The following ACSS1 variants were observed in gnomAD, a reference collection of about 807,000 sequenced individuals.
ACSS1 encodes the protein acetyl-coenzyme A synthetase 2-like, mitochondrial.
ACSS1 carries 42 observed loss-of-function variants against 75.3 expected under a neutral mutation model. The observed-to-expected ratio is 0.56, with a 90% CI of 0.44 to 0.72. The LOEUF is 0.72. Among genes scored for constraint, ACSS1 ranks in the 30% least tolerant of loss-of-function variants. ACSS1 has a pLI of 0.00. For synonymous variants in ACSS1, 380 were observed against 376.8 expected, an observed-to-expected ratio of 1.01 and a Z score of -0.10; for missense variants, 782 against 935.7, an observed-to-expected ratio of 0.84 and a Z score of 2.14.
At chr20:25,057,680 C>G in intron 1 of ACSS1, 89 bp downstream of exon 1, 3 of 1,354,934 alleles carry the variant, frequency 2.2e-6, no homozygotes, top group Non-Finnish European at 3.0e-6. Context: ...ATCCGCGCTG[C>G]CCGGGGACGG....
At chr20:25,009,956 A>T (rs2088376272) in intron 12 of ACSS1, 1 of 153,546 alleles carries the variant, frequency 6.5e-6, no homozygotes, top group African/African-American at 2.4e-5. Context: ...GAGGCAGCTG[A>T]GAGTTCTGCT....
At chr20:25,014,115 C>T (rs1307665802) in intron 8 of ACSS1, 42 bp from the exon 9 acceptor site, 5 of 1,497,980 alleles carry the variant, frequency 3.3e-6, no homozygotes, top group Admixed American at 1.9e-5. Flanking sequence ...CGGCCCCGGA[C>T]CCAGGGATAC....
chr20:25,031,091 T>C (rs758998145), intron 2 of ACSS1, 133 bp from the exon 3 acceptor site: 20 of 873,076 alleles, frequency 2.3e-5, no homozygotes, highest in Non-Finnish European at 3.5e-5. Context: ...GGCACTTGAA[T>C]ACTTAATGCA....
intron 1 of ACSS1, among the ~76,000 whole-genome samples, chr20:25,050,482 G>A (rs2089160274): frequency 6.6e-6 from 1 of 151,890 alleles, no homozygotes; most frequent in Admixed American, 6.6e-5. Flanking sequence ...CAGGAGATGT[G>A]AACCCACTCT....
chr20:25,032,030 C>T (rs868508932), intron 2 of ACSS1, among the ~76,000 whole-genome samples: 4 of 152,176 alleles, frequency 2.6e-5, no homozygotes, highest in South Asian at 2.1e-4. Flanking sequence ...CCTGCAGCCC[C>T]GAGACAGCAC....
intron 2 of ACSS1, chr20:25,046,901 G>T: frequency 1.3e-6 from 1 of 779,664 alleles, no homozygotes. Flanking sequence ...TGCTGTATAG[G>T]CTGTGAGTCT....
At chr20:25,030,004 G>T (rs969950003) in intron 3 of ACSS1, among the ~76,000 whole-genome samples, 3 of 152,218 alleles carry the variant, frequency 2.0e-5, no homozygotes, top group African/African-American at 7.2e-5. Flanking sequence ...ACCCTTGAAC[G>T]TGGGGGAAGA....
chr20:25,034,059 C>A (rs1479592958), intron 2 of ACSS1, among the ~76,000 whole-genome samples: 1 of 152,130 alleles, frequency 6.6e-6, no homozygotes, highest in Admixed American at 6.5e-5. Flanking sequence ...TCCGGTAAAT[C>A]TCAGAGCTCT....
intron 1 of ACSS1, among the ~76,000 whole-genome samples, chr20:25,050,328 C>G (rs1346811841): frequency 6.6e-6 from 1 of 152,082 alleles, no homozygotes; most frequent in African/African-American, 2.4e-5. Flanking sequence ...TCCAGTGACT[C>G]TATGATGCTA....
intron 7 of ACSS1, among the ~76,000 whole-genome samples, chr20:25,017,799 C>T (rs1167251536): frequency 6.6e-6 from 1 of 152,228 alleles, no homozygotes; most frequent in East Asian, 1.9e-4. Flanking sequence ...CATTGGACCC[C>T]GTGAACCTTC....
At chr20:25,023,730 G>A (rs1333832385) in intron 3 of ACSS1, 89 bp from the exon 4 acceptor site, 1 of 1,299,016 alleles carries the variant, frequency 7.7e-7, no homozygotes, top group East Asian at 2.4e-5. Flanking sequence ...CCAGGCCTAG[G>A]AGTGTGAGAA....
chr20:25,032,879 A>C (rs1293327283), intron 2 of ACSS1, among the ~76,000 whole-genome samples: 2 of 152,222 alleles, frequency 1.3e-5, no homozygotes, highest in Non-Finnish European at 2.9e-5. Context: ...TTCTCCCCGC[A>C]GCCAGCACGC....
intron 12 of ACSS1, 130 bp from the exon 13 acceptor site, chr20:25,009,518 A>G (rs1019899854): frequency 2.3e-5 from 17 of 745,702 alleles, no homozygotes; most frequent in Non-Finnish European, 3.6e-5. Flanking sequence ...ACATTGTAGC[A>G]GCTGGTTTCT....
chr20:25,032,277 T>C, intron 2 of ACSS1: 3 of 1,153,232 alleles, frequency 2.6e-6, no homozygotes, highest in Non-Finnish European at 3.3e-6. Context: ...GCTGATTGGC[T>C]CAGGGCCGAC....
At chr20:25,030,064 G>A (rs1397282460) in intron 3 of ACSS1, among the ~76,000 whole-genome samples, 1 of 152,122 alleles carries the variant, frequency 6.6e-6, no homozygotes, top group Non-Finnish European at 1.5e-5. Context: ...ACAGAGGGAG[G>A]TCAACAGGAG....
At chr20:25,014,872 C>T (rs1393491656) in intron 8 of ACSS1, among the ~76,000 whole-genome samples, 2 of 152,224 alleles carry the variant, frequency 1.3e-5, no homozygotes, top group African/African-American at 4.8e-5. Context: ...AGTTCACCCT[C>T]ACCCAGGCGT....
rs375284979 is a variant in ACSS1, at chr20:25,057,721, C to G, written c.334+48G>C. Reference sequence around the variant, plus strand: ...GCTGGCGAGAGGCTCCGAGTCCCCTCGGGACCCAAGAGTTGGGGGCGTCCT... The same window carrying G: ...GCTGGCGAGAGGCTCCGAGTCCCCTGGGGACCCAAGAGTTGGGGGCGTCCT... On this transcript the variant is annotated intron_variant, in intron 1 of 13. Coordinates refer to ENST00000323482, the MANE Select transcript of ACSS1 (RefSeq NM_032501.4). 190 of 1,502,258 alleles carry G rather than the reference C, an allele frequency of 1.3e-4. 1 individual carries two copies. The African/African-American group carries it at 2.2e-3, about 17-fold the overall frequency. 93.1% of individuals were successfully genotyped at this position (1,502,258 alleles called of 1,614,324 possible).
intron 2 of ACSS1, among the ~76,000 whole-genome samples, chr20:25,045,715 C>A (rs1256865887): frequency 6.6e-6 from 1 of 152,190 alleles, no homozygotes; most frequent in Non-Finnish European, 1.5e-5. Context: ...ACAACCAGTG[C>A]CAATGTCTAG....
chr20:25,025,624 C>A (rs1568837170), intron 3 of ACSS1, among the ~76,000 whole-genome samples: 2 of 152,074 alleles, frequency 1.3e-5, no homozygotes. Flanking sequence ...GGGGAGTATC[C>A]ACCTCCAGGC....
Sources: allele counts gnomAD v4.1 joint callset (sites outside exome capture counted in the v4.1 genomes callset), GRCh38; gene constraint gnomAD v4.1.1; transcripts MANE v1.5; gene names NCBI Gene and HGNC (gene_info 2026-07-23, HGNC 2026-07-21).